Variants in CCDC150 observed in about 807,000 individuals in gnomAD.
CCDC150 encodes coiled-coil domain-containing protein 150.
CCDC150 carries 151 observed loss-of-function variants against 156.5 expected under a neutral mutation model. That is an observed-to-expected ratio of 0.97 (90% CI 0.85 to 1.10). The LOEUF (loss-of-function observed/expected upper bound fraction) is 1.10. Ranked by LOEUF, CCDC150 falls within the 50% of genes least tolerant of loss-of-function variation. The pLI is 0.00. For synonymous variants in CCDC150, 452 were observed against 429.4 expected (o/e 1.05, Z -0.65); for missense variants, 1,312 against 1,268.1 (o/e 1.03, Z -0.53).
rs1694975811 is a variant in CCDC150, at chr2:196,683,767, C to T, written c.1509+6406C>T. ...GTTTGGTTCTTTCTAGGAATTTGTCCATTTCATCTAGGCTATCTAATTTGT... is the reference window on the plus strand; with the variant it reads ...GTTTGGTTCTTTCTAGGAATTTGTCTATTTCATCTAGGCTATCTAATTTGT... On this transcript the variant is annotated intron_variant, in intron 13 of 27. Transcript: ENST00000389175. Among the ~76,000 whole-genome samples the T allele has an allele frequency of 2.6e-5, 4 of 151,970 alleles. 1 individual carries two copies. In the South Asian group the frequency reaches 8.3e-4, roughly 32 times the overall value.
intron 5 of CCDC150, among the ~76,000 whole-genome samples, chr2:196,662,444 A>T (rs1693609951): frequency 6.6e-6 from 1 of 152,186 alleles, no homozygotes; most frequent in Non-Finnish European, 1.5e-5. Context: ...ATCATCAGGC[A>T]TTAGTTAGAT....
chr2:196,713,367 G>T, intron 17 of CCDC150: 1 of 1,474,004 alleles, frequency 6.8e-7, no homozygotes, highest in South Asian at 1.4e-5. Flanking sequence ...ATGCCTCTAA[G>T]AAAAAGGAAA....
intron 2 of CCDC150, among the ~76,000 whole-genome samples, chr2:196,647,816 T>C (rs1692634553): frequency 6.6e-6 from 1 of 152,174 alleles, no homozygotes; most frequent in South Asian, 2.1e-4. Context: ...TTATTAATTA[T>C]AGTCAAGGTA....
intron 2 of CCDC150, among the ~76,000 whole-genome samples, chr2:196,651,154 A>G (rs1274067258): frequency 6.6e-6 from 1 of 152,216 alleles, no homozygotes; most frequent in Non-Finnish European, 1.5e-5. Flanking sequence ...TTTTTACTGC[A>G]TGGCTGAACT....
chr2:196,667,933 T>A (rs905957266), intron 7 of CCDC150: 3 of 152,212 alleles, frequency 2.0e-5, no homozygotes, highest in Non-Finnish European at 4.4e-5. Context: ...TATTTTATGG[T>A]GCTGCCACAT....
chr2:196,701,063 T>A, intron 14 of CCDC150, 46 bp from the exon 15 acceptor site: 1 of 1,247,936 alleles, frequency 8.0e-7, no homozygotes, highest in Non-Finnish European at 1.1e-6. Context: ...AAATGGTTAT[T>A]CCTTTCTATG....
chr2:196,645,344 C>T (rs1692474196), intron 1 of CCDC150, among the ~76,000 whole-genome samples: 1 of 152,116 alleles, frequency 6.6e-6, no homozygotes, highest in Non-Finnish European at 1.5e-5. Context: ...GAGGTGGACC[C>T]CCCTTTCACT....
At chr2:196,701,467 C>G (rs1037100216) in intron 15 of CCDC150, among the ~76,000 whole-genome samples, 1 of 152,124 alleles carries the variant, frequency 6.6e-6, no homozygotes, top group African/African-American at 2.4e-5. Flanking sequence ...AAGCCTATAC[C>G]TCTTTTTGCT....
intron 15 of CCDC150, among the ~76,000 whole-genome samples, chr2:196,704,691 C>G (rs1696478622): frequency 6.6e-6 from 1 of 152,086 alleles, no homozygotes; most frequent in Admixed American, 6.6e-5. Context: ...CTAATGCTAT[C>G]CCTTCCGCTG....
intron 13 of CCDC150, among the ~76,000 whole-genome samples, chr2:196,691,953 A>G (rs1201856472): frequency 6.6e-6 from 1 of 152,034 alleles, no homozygotes; most frequent in African/African-American, 2.4e-5. Flanking sequence ...AAACAAAACA[A>G]AAACAGCTCC....
At position 196,711,817 on chromosome 2, in the gene CCDC150, A is replaced by G. The variant is rs1009867831; in HGVS notation, c.1696-328A>G. On this transcript the variant is annotated intron_variant, in intron 15 of 27. Transcript: ENST00000389175. ...GAATGCCAGGTACCACAATTCAAAT[A>G]TATTAGCCACAAATTTTTGAATTAC... Among the ~76,000 whole-genome samples the G allele has an allele frequency of 2.6e-5, 4 of 152,098 alleles. 1 individual carries two copies. The highest frequency in any genetic ancestry group is 9.7e-5 in the African/African-American group (4 of 41,414).
intron 4 of CCDC150, 192 bp downstream of exon 4, chr2:196,657,328 A>G (rs999522984): frequency 2.4e-5 from 13 of 550,118 alleles, no homozygotes; most frequent in African/African-American, 1.7e-4. Context: ...ACTGTGTGCT[A>G]TCTGTGATTG....
rs1327299346 is a variant in CCDC150 at position 196,656,721 on chromosome 2, A to G, written c.265A>G (p.Lys89Glu). Residue 89 changes from lysine (K) to glutamate (E), a missense_variant, in exon 3 of 28, where the codon AAA (lysine) becomes GAA (glutamate). By Grantham distance (56) the Lys-to-Glu change is moderately conservative. Coordinates refer to ENST00000389175, the MANE Select transcript of CCDC150 (RefSeq NM_001080539.2). Reference sequence around the variant, plus strand: ...CCAAAATGAAGCAATTTGTGCAGGAAAAACAGATATTTTATGGAAGAACTG... The same window carrying G: ...CCAAAATGAAGCAATTTGTGCAGGAGAAACAGATATTTTATGGAAGAACTG... ...PIQNEAICAGKTDILWKNCEF... is the reference protein window; with the variant it reads ...PIQNEAICAGETDILWKNCEF... The G allele has an allele frequency of 2.5e-6, 4 of 1,613,848 alleles. 1 individual carries two copies. The South Asian group carries it at 4.4e-5, about 18-fold the overall frequency.
At chr2:196,703,206 A>G (rs1378867067) in intron 15 of CCDC150, among the ~76,000 whole-genome samples, 1 of 152,220 alleles carries the variant, frequency 6.6e-6, no homozygotes, top group Non-Finnish European at 1.5e-5. Flanking sequence ...TGCCGAACAC[A>G]TCAGCATTAA....
chr2:196,646,576 G>A (rs1259099513), intron 2 of CCDC150, 72 bp downstream of exon 2: 1 of 1,132,968 alleles, frequency 8.8e-7, no homozygotes, highest in Non-Finnish European at 1.3e-6. Flanking sequence ...ACAGTAGTTT[G>A]GCAGATGAGA....
chr2:196,732,430 G>T lies in CCDC150; in HGVS notation c.3190-16G>T. ...GCTCTGAACAGTCAGTGTTAGGTGT[G>T]TTTTCTTTCCAACAGGACCAAGATG... On this transcript the variant is annotated splice_polypyrimidine_tract_variant and intron_variant, in intron 27 of 27. Coordinates refer to ENST00000389175, the MANE Select transcript of CCDC150 (RefSeq NM_001080539.2). 6.3e-7 allele frequency: 1 copy of T among 1,588,254 alleles called. No individual in the cohort carries two copies. Among genetic ancestry groups the T allele is most frequent in the South Asian group, 1.1e-5 (1 of 90,562 alleles).
At chr2:196,647,211 G>A (rs1454913794) in intron 2 of CCDC150, among the ~76,000 whole-genome samples, 2 of 151,988 alleles carry the variant, frequency 1.3e-5, no homozygotes, top group East Asian at 3.9e-4. Context: ...GAGCATGTTG[G>A]TAACACAATA....
intron 26 of CCDC150, 144 bp downstream of exon 26, chr2:196,731,089 C>T: frequency 1.7e-6 from 1 of 588,154 alleles, no homozygotes; most frequent in South Asian, 2.7e-5. Context: ...TAAGTGTAGT[C>T]TCTATTGTAG....
chr2:196,653,810 G>A (rs1392675678), intron 2 of CCDC150, among the ~76,000 whole-genome samples: 1 of 152,116 alleles, frequency 6.6e-6, no homozygotes, highest in Non-Finnish European at 1.5e-5. Context: ...CTTATTTTGT[G>A]TTGCTTATAA....
Sources: allele counts gnomAD v4.1 joint callset (sites outside exome capture counted in the v4.1 genomes callset), GRCh38; gene constraint gnomAD v4.1.1; transcripts MANE v1.5; gene names NCBI Gene and HGNC (gene_info 2026-07-23, HGNC 2026-07-21).